SOX6: variants seen among roughly 807,000 people sequenced by gnomAD.
SOX6 encodes the protein SRY-box transcription factor 6.
A neutral mutation model predicts 97.8 loss-of-function variants in SOX6; 11 were observed. The ratio of observed to expected loss-of-function variants is 0.11; its 90% confidence interval spans 0.07 to 0.19. The LOEUF (loss-of-function observed/expected upper bound fraction) is 0.19, where lower values mean the gene tolerates loss of function less well. Among genes scored for constraint, SOX6 ranks in the 10% least tolerant of loss-of-function variants. The probability of loss-of-function intolerance (pLI) is 1.00; values close to 1 mark genes in which losing one functional copy is unlikely to be tolerated. For synonymous variants in SOX6, 360 were observed against 371.4 expected (o/e 0.97, Z 0.35); for missense variants, 810 against 1,039.5 (o/e 0.78, Z 3.04).
chr11:16,268,193 G>A (rs1300643739), intron 3 of SOX6, among the ~76,000 whole-genome samples: 2 of 151,146 alleles, frequency 1.3e-5, no homozygotes, highest in African/African-American at 4.8e-5. Flanking sequence ...AGTAAATCAC[G>A]AATGTTTTTG....
At chr11:16,178,633 C>A (rs1851260867) in intron 6 of SOX6, among the ~76,000 whole-genome samples, 1 of 151,906 alleles carries the variant, frequency 6.6e-6, no homozygotes, top group Non-Finnish European at 1.5e-5. Context: ...AAGGGAGTAT[C>A]ATATGTATGT....
In SOX6 at chr11:16,581,557, C is replaced by T. The variant is rs551031561; in HGVS notation, n.609+30524G>A. Among the ~76,000 whole-genome samples, 15 of 152,230 alleles carry T rather than the reference C, an allele frequency of 9.9e-5. No individual in the cohort carries two copies. The East Asian group carries it at 2.1e-3, about 22-fold the overall frequency. On this transcript the variant is annotated intron_variant and non_coding_transcript_variant, in intron 4 of 5. Coordinates refer to the SOX6 transcript ENST00000524520. ...AGCAAACTACCATGGCATACGTATA[C>T]CTGTGTAACAAACCTGAAGGTTCTG... is the stretch of plus-strand genomic sequence containing the variant.
chr11:16,028,314 C>A (rs533808134), intron 12 of SOX6, among the ~76,000 whole-genome samples: 51 of 152,240 alleles, frequency 3.3e-4, no homozygotes, highest in African/African-American at 1.1e-3. Context: ...AAAGGCTGCA[C>A]AACTTGTTTG....
intron 4 of SOX6, among the ~76,000 whole-genome samples, chr11:16,546,238 T>C (rs1314656297): frequency 6.6e-6 from 1 of 152,188 alleles, no homozygotes; most frequent in Non-Finnish European, 1.5e-5. Flanking sequence ...TGCTCATGTA[T>C]TGGTAGAATT....
intron 11 of SOX6, among the ~76,000 whole-genome samples, chr11:16,047,244 G>A (rs1855861101): frequency 6.6e-6 from 1 of 152,066 alleles, no homozygotes; most frequent in Non-Finnish European, 1.5e-5. Context: ...GCAGGAAAGA[G>A]GGGGCGGAAG....
intron 4 of SOX6, among the ~76,000 whole-genome samples, chr11:16,222,646 G>A (rs186900086): frequency 6.6e-6 from 1 of 152,200 alleles, no homozygotes; most frequent in East Asian, 1.9e-4. Flanking sequence ...AAAAATGTAA[G>A]AGTGCAAATG....
Position 16,181,070 on chromosome 11 carries a change from T to C in SOX6, c.777+2816A>G, listed in dbSNP as rs571013550. ...TTAGGCACTCTTCCCTTTGTTTCTA[T>C]TAAAGCTTGCAAATTGGGGGGAAAA... is the stretch of plus-strand genomic sequence containing the variant. On this transcript the variant is annotated intron_variant, in intron 6 of 15. Transcript: ENST00000683767. Among the ~76,000 whole-genome samples the C allele has an allele frequency of 2.3e-4, 35 of 151,636 alleles. No homozygotes were observed. The East Asian group carries it at 6.2e-3, about 27-fold the overall frequency.
intron 1 of SOX6, among the ~76,000 whole-genome samples, chr11:16,440,225 CTT>C (rs1859477055): frequency 1.3e-5 from 2 of 152,184 alleles, no homozygotes; most frequent in Admixed American, 6.6e-5. Context: ...GCCTATAACA[CTT>C]CAGGGGCTAG....
chr11:16,194,867 C>T (rs1025710863), intron 4 of SOX6, among the ~76,000 whole-genome samples: 5 of 152,178 alleles, frequency 3.3e-5, no homozygotes, highest in Non-Finnish European at 5.9e-5. Flanking sequence ...GATCTGGAAA[C>T]GAAGGTATTC....
At chr11:16,536,093 A>T (rs1344942123) in intron 4 of SOX6, among the ~76,000 whole-genome samples, 2 of 152,236 alleles carry the variant, frequency 1.3e-5, no homozygotes, top group Non-Finnish European at 2.9e-5. Context: ...AAAGCACAAC[A>T]GGTGGGTCAC....
chr11:16,707,642 A>G (rs913358272), intron 3 of SOX6, among the ~76,000 whole-genome samples: 4 of 152,176 alleles, frequency 2.6e-5, no homozygotes, highest in Non-Finnish European at 5.9e-5. Context: ...GGACTTGGCA[A>G]AGTTTGTTTT....
chr11:16,711,524 A>C (rs184076629), intron 3 of SOX6, among the ~76,000 whole-genome samples: 69 of 152,322 alleles, frequency 4.5e-4, no homozygotes, highest in Admixed American at 1.2e-3. Context: ...TGCTGTTTCA[A>C]AAAGAAAACC....
At chr11:16,417,609 C>G (rs1438795850) in intron 1 of SOX6, among the ~76,000 whole-genome samples, 1 of 152,114 alleles carries the variant, frequency 6.6e-6, no homozygotes, top group African/African-American at 2.4e-5. Flanking sequence ...CTGCAATATT[C>G]CAGCAACTTA....
chr11:16,119,660 A>G (rs1849440448), intron 6 of SOX6, among the ~76,000 whole-genome samples: 1 of 152,320 alleles, frequency 6.6e-6, no homozygotes, highest in African/African-American at 2.4e-5. Flanking sequence ...GAGCCAACCA[A>G]CTAGGACCTC....
chr11:16,504,251 T>C (rs1169814346), intron 4 of SOX6, among the ~76,000 whole-genome samples: 1 of 151,846 alleles, frequency 6.6e-6, no homozygotes, highest in Non-Finnish European at 1.5e-5. Context: ...CCAGAACAAT[T>C]AGGCAAGAAA....
intron 1 of SOX6, among the ~76,000 whole-genome samples, chr11:16,430,985 A>T (rs761150536): frequency 5.9e-5 from 9 of 152,166 alleles, no homozygotes; most frequent in Non-Finnish European, 1.5e-5. Context: ...CACATCACAC[A>T]GCTATTGTGG....
chr11:16,414,366 G>T (rs979296702), intron 1 of SOX6, among the ~76,000 whole-genome samples: 16 of 152,122 alleles, frequency 1.1e-4, no homozygotes, highest in African/African-American at 3.4e-4. Context: ...AATAGTAAAA[G>T]CTGGCAGCAC....
intron 2 of SOX6, among the ~76,000 whole-genome samples, chr11:16,721,868 GC>G (rs1034230647): frequency 6.6e-6 from 1 of 151,610 alleles, no homozygotes; most frequent in African/African-American, 2.4e-5. Flanking sequence ...ACAGAATAGA[GC>G]CCAGAAATAA....
chr11:16,249,514 C>T (rs1345297834), intron 3 of SOX6, among the ~76,000 whole-genome samples: 1 of 152,142 alleles, frequency 6.6e-6, no homozygotes, highest in East Asian at 1.9e-4. Context: ...CAAACTTTTC[C>T]ACATCTTCCT....
Sources: gnomAD v4.1 joint callset for allele counts (sites outside exome capture counted in the v4.1 genomes callset) on GRCh38, gnomAD v4.1.1 for gene constraint, MANE v1.5 for transcripts, NCBI Gene and HGNC (gene_info 2026-07-23, HGNC 2026-07-21) for gene names.